SNTB1: variants seen among roughly 807,000 people sequenced by gnomAD.
The protein encoded by SNTB1 is syntrophin beta 1, also known as beta-1-syntrophin.
A neutral mutation model predicts 48.9 loss-of-function variants in SNTB1; 36 were observed. The ratio of observed to expected loss-of-function variants is 0.74; its 90% confidence interval spans 0.56 to 0.97. The LOEUF (loss-of-function observed/expected upper bound fraction) is 0.97, where lower values mean the gene tolerates loss of function less well. Among genes scored for constraint, SNTB1 ranks in the 50% least tolerant of loss-of-function variants. The probability of loss-of-function intolerance (pLI) is 0.00; values close to 1 mark genes in which losing one functional copy is unlikely to be tolerated. For synonymous variants in SNTB1, 299 were observed against 294.6 expected (o/e 1.01, Z -0.15); for missense variants, 786 against 703.4 (o/e 1.12, Z -1.33).
intron 4 of SNTB1, among the ~76,000 whole-genome samples, chr8:120,572,887 A>C (rs949782525): frequency 2.0e-5 from 3 of 152,246 alleles, no homozygotes; most frequent in African/African-American, 7.2e-5. Context: ...TGCACTCCAG[A>C]CTGGGTGACA....
chr8:120,691,647 C>G (rs1818128870), intron 2 of SNTB1, among the ~76,000 whole-genome samples: 1 of 152,192 alleles, frequency 6.6e-6, no homozygotes. Flanking sequence ...CCAGTTCTTC[C>G]CACTTTTCTA....
Position 120,632,458 on chromosome 8 carries a change from A to G in SNTB1, c.982T>C (p.Trp328Arg), listed in dbSNP as rs1478524077. The change falls in exon 3 of 7, where the codon TGG (tryptophan) becomes CGG (arginine). Residue 328 changes from tryptophan to arginine, a missense_variant. Trp to Arg is a moderately radical substitution (Grantham distance 101). Coordinates refer to ENST00000517992, the MANE Select transcript of SNTB1 (RefSeq NM_021021.4). The part of the protein sequence containing the change: ...AGSREIRHLG[W>R]LAEKVPGESK... ...ATTTTCCTTACCTTTTCTGCAAGCC[A>G]GCCAAGATGCCTAATCTCTCGGCTC... 1.2e-6 allele frequency: 2 copies of G among 1,613,944 alleles called. No homozygotes were observed. Among genetic ancestry groups the G allele is most frequent in the Non-Finnish European group, 1.7e-6 (2 of 1,180,024 alleles).
intron 4 of SNTB1, among the ~76,000 whole-genome samples, chr8:120,550,129 G>T (rs1335060796): frequency 6.6e-6 from 1 of 152,184 alleles, no homozygotes; most frequent in African/African-American, 2.4e-5. Flanking sequence ...CAAGCTTGTT[G>T]TATAACTTGG....
In SNTB1 at chr8:120,669,752, G is replaced by A. The variant is rs969450380; in HGVS notation, c.788+23940C>T. Among the ~76,000 whole-genome samples the A allele has an allele frequency of 2.0e-5, 3 of 151,912 alleles. 1 individual carries two copies. The highest frequency in any genetic ancestry group is 4.4e-5 in the Non-Finnish European group (3 of 67,996). ...CAGGCGTGAGCCACCGCGCCCGGCC[G>A]AAAATGCTTGTTAAACTGTAATGGG... On this transcript the variant is annotated intron_variant, in intron 2 of 6. Coordinates refer to ENST00000517992, the MANE Select transcript of SNTB1 (RefSeq NM_021021.4).
At chr8:120,609,546 T>G (rs1305067543) in intron 3 of SNTB1, among the ~76,000 whole-genome samples, 1 of 152,116 alleles carries the variant, frequency 6.6e-6, no homozygotes, top group African/African-American at 2.4e-5. Flanking sequence ...GAGAGCCCTG[T>G]CAATATGAGA....
chr8:120,699,008 G>A (rs766641824), intron 1 of SNTB1, among the ~76,000 whole-genome samples: 6 of 152,176 alleles, frequency 3.9e-5, no homozygotes, highest in Non-Finnish European at 7.4e-5. Flanking sequence ...TTATTCATTT[G>A]TCAAAAGTCT....
chr8:120,706,807 A>C (rs1818384415), intron 1 of SNTB1, among the ~76,000 whole-genome samples: 2 of 152,192 alleles, frequency 1.3e-5, no homozygotes, highest in African/African-American at 4.8e-5. Context: ...AACATCCTGC[A>C]AATCAAACTT....
chr8:120,811,156 C>T, intron 1 of SNTB1, 117 bp downstream of exon 1: 5 of 1,370,228 alleles, frequency 3.6e-6, no homozygotes, highest in Non-Finnish European at 2.9e-6. Flanking sequence ...ACACACACAC[C>T]CGGCCCCCTG....
intron 3 of SNTB1, among the ~76,000 whole-genome samples, chr8:120,588,099 T>C (rs1467954705): frequency 6.6e-6 from 1 of 152,182 alleles, no homozygotes; most frequent in African/African-American, 2.4e-5. Flanking sequence ...TGCTTCAACA[T>C]CCTGTGTTTT....
chr8:120,671,020 G>T (rs1271049618), intron 2 of SNTB1, among the ~76,000 whole-genome samples: 2 of 152,166 alleles, frequency 1.3e-5, no homozygotes, highest in Non-Finnish European at 2.9e-5. Flanking sequence ...GTTTGCCTTT[G>T]TTTGATTATT....
intron 2 of SNTB1, among the ~76,000 whole-genome samples, chr8:120,677,866 G>A (rs181119757): frequency 1.3e-5 from 2 of 152,284 alleles, no homozygotes; most frequent in South Asian, 2.1e-4. Context: ...TTTCAAGGCT[G>A]CACAACGGAT....
At chr8:120,712,730 G>A (rs1267817594) in intron 1 of SNTB1, among the ~76,000 whole-genome samples, 1 of 152,120 alleles carries the variant, frequency 6.6e-6, no homozygotes, top group Non-Finnish European at 1.5e-5. Context: ...CTCATTCAGT[G>A]ATAGTTCATA....
chr8:120,581,139 G>A (rs1327013620), intron 3 of SNTB1, among the ~76,000 whole-genome samples: 1 of 150,720 alleles, frequency 6.6e-6, no homozygotes, highest in Non-Finnish European at 1.5e-5. Context: ...GACATCTAGA[G>A]CTGAATGCAA....
intron 2 of SNTB1, among the ~76,000 whole-genome samples, chr8:120,671,667 A>G (rs10087087): frequency 0.044 from 6,689 of 152,308 alleles, 441 homozygotes; most frequent in African/African-American, 0.14. Context: ...GAACTATGAG[A>G]GAATACATTT....
At position 120,661,662 on chromosome 8, in the gene SNTB1, C is replaced by T. The variant is rs1817590703; in HGVS notation, c.789-29011G>A. On this transcript the variant is annotated intron_variant, in intron 2 of 6. Coordinates refer to ENST00000517992, the MANE Select transcript of SNTB1 (RefSeq NM_021021.4). The stretch of plus-strand genomic sequence containing the variant: ...TCCCTCCCCTTTCCCCACAACGCCC[C>T]ATAGGTCATGGTATGTGATGTCCCC... 2.0e-5 allele frequency among the ~76,000 whole-genome samples: 3 copies of T among 152,084 alleles called. No individual in the cohort carries two copies. The South Asian group carries it at 6.2e-4, about 32-fold the overall frequency.
intron 1 of SNTB1, among the ~76,000 whole-genome samples, chr8:120,774,649 G>A (rs1285957083): frequency 6.7e-6 from 1 of 149,930 alleles, no homozygotes; most frequent in Non-Finnish European, 1.5e-5. Context: ...TTGTTTGCTT[G>A]TTTGTTTGTT....
At chr8:120,684,021 C>T (rs964091006) in intron 2 of SNTB1, among the ~76,000 whole-genome samples, 2 of 152,138 alleles carry the variant, frequency 1.3e-5, no homozygotes, top group Non-Finnish European at 2.9e-5. Flanking sequence ...AACTTATAAA[C>T]AACATACATT....
chr8:120,547,914 C>A (rs77665935), intron 5 of SNTB1, among the ~76,000 whole-genome samples: 3,341 of 152,244 alleles, frequency 0.022, 123 homozygotes, highest in African/African-American at 0.077. Flanking sequence ...TTTTTTACTG[C>A]CCTGGGTCTC....
Position 120,566,387 on chromosome 8 carries a change from T to C in SNTB1, c.1136+8699A>G, listed in dbSNP as rs779178189. ...GAGGCTTGGGGAGTCTGTTAGTCCC[T>C]TTTTGCCCTTCCACCCACGTGAGAA... On this transcript the variant is annotated intron_variant, in intron 4 of 6. Coordinates refer to ENST00000517992, the MANE Select transcript of SNTB1 (RefSeq NM_021021.4). Among the ~76,000 whole-genome samples, 4 of 149,066 alleles carry C rather than the reference T, an allele frequency of 2.7e-5. No homozygotes were observed. In the East Asian group the frequency reaches 7.9e-4, roughly 29 times the overall value.
Sources: gnomAD v4.1 joint callset for allele counts (sites outside exome capture counted in the v4.1 genomes callset) on GRCh38, gnomAD v4.1.1 for gene constraint, MANE v1.5 for transcripts, NCBI Gene and HGNC (gene_info 2026-07-23, HGNC 2026-07-21) for gene names.